The following GABRA2 variants were observed in gnomAD, a reference collection of about 807,000 sequenced individuals.
GABRA2 encodes gamma-aminobutyric acid receptor subunit alpha-2.
In GABRA2, 16 loss-of-function variants were observed where a neutral mutation model predicts 48.7. That is an observed-to-expected ratio of 0.33 (90% CI 0.22 to 0.50). GABRA2 has a LOEUF of 0.50. GABRA2 is among the 20% of genes least tolerant of loss of function. GABRA2 has a pLI of 0.98. For missense variants in GABRA2, 275 were observed against 535.6 expected, an observed-to-expected ratio of 0.51 and a Z score of 4.80; for synonymous variants, 185 against 184.5, an observed-to-expected ratio of 1.00 and a Z score of -0.02.
In GABRA2 at chr4:46,249,060, G is replaced by GTGTGTGTGTGTGTA. The variant is rs1220377878; in HGVS notation, c.*1247_*1248insTACACACACACACA. ...TGTGTGTGTGTGTGTGTGTGTGTGTGTATGTTTGTGCACGTGAAATAATCC... is the reference window on the plus strand; with the variant it reads ...TGTGTGTGTGTGTGTGTGTGTGTGTGTGTGTGTGTGTGTATATGTTTGTGCACGTGAAATAATCC... On this transcript the variant is annotated 3_prime_UTR_variant, in exon 10 of 10. Coordinates refer to ENST00000381620, the MANE Select transcript of GABRA2 (RefSeq NM_000807.4). 255 of 151,048 alleles carry GTGTGTGTGTGTGTA rather than the reference G, an allele frequency of 1.7e-3. 1 individual carries two copies. Among genetic ancestry groups the GTGTGTGTGTGTGTA allele is most frequent in the African/African-American group, 5.7e-3 (237 of 41,250 alleles). 9.4% of individuals were successfully genotyped at this position (151,048 alleles called of 1,614,324 possible).
At chr4:46,278,673 G>A (rs1037606928) in intron 8 of GABRA2, among the ~76,000 whole-genome samples, 2 of 152,048 alleles carry the variant, frequency 1.3e-5, no homozygotes, top group Non-Finnish European at 2.9e-5. Context: ...ATATAGCTGT[G>A]TTTCATATAA....
chr4:46,332,858 G>T (rs1480326250), intron 3 of GABRA2, among the ~76,000 whole-genome samples, 176 bp from the exon 4 acceptor site: 1 of 152,072 alleles, frequency 6.6e-6, no homozygotes, highest in African/African-American at 2.4e-5. Context: ...TATTTCATTG[G>T]TTTTCACCAT....
chr4:46,389,181 A>G, intron 1 of GABRA2: 1 of 988,528 alleles, frequency 1.0e-6, no homozygotes, highest in Non-Finnish European at 1.2e-6. Flanking sequence ...CCGCAACCAC[A>G]GCGGGAAAAG....
rs73812839 is a variant in GABRA2, at chr4:46,303,337, C to A, written c.856+123G>T. The A allele has an allele frequency of 4.4e-4, 407 of 930,320 alleles. 1 individual carries two copies. The African/African-American group carries it at 6.2e-3, about 14-fold the overall frequency. The allele number at this position is 930,320 out of a possible 1,614,324, so 57.6% of individuals were successfully genotyped here. A position where few individuals can be genotyped will look rare whatever the true frequency, so the allele number is the denominator to read the frequency against. The stretch of plus-strand genomic sequence containing the variant: ...TGAGCCTACTTCTTCACCTATAAGG[C>A]AAAAACAATACTCCCCGCCCCACCT... On this transcript the variant is annotated intron_variant, in intron 8 of 9. Coordinates refer to ENST00000381620, the MANE Select transcript of GABRA2 (RefSeq NM_000807.4).
At chr4:46,353,585 C>T (rs1735496560) in intron 3 of GABRA2, among the ~76,000 whole-genome samples, 1 of 152,098 alleles carries the variant, frequency 6.6e-6, no homozygotes, top group Non-Finnish European at 1.5e-5. Flanking sequence ...GTCTTTGCCT[C>T]CTTTCTCTGG....
chr4:46,323,051 A>T (rs911304785), intron 4 of GABRA2, among the ~76,000 whole-genome samples: 3 of 151,786 alleles, frequency 2.0e-5, no homozygotes, highest in Non-Finnish European at 4.4e-5. Context: ...TGTCTTTTAC[A>T]GAATGTATAT....
chr4:46,276,900 T>C (rs1174370366), intron 8 of GABRA2, among the ~76,000 whole-genome samples: 1 of 152,148 alleles, frequency 6.6e-6, no homozygotes, highest in African/African-American at 2.4e-5. Context: ...ATTTTTACCA[T>C]CATTATTGCT....
rs549221829 is a variant in GABRA2, at chr4:46,324,726, T to G, written c.255+7889A>C. On this transcript the variant is annotated intron_variant, in intron 4 of 9. Transcript: ENST00000381620. ...AGTTTTTCAACCCTCCCCCTCCCTC[T>G]CCATCAAATAAGCTTCAGTGTCTAT... Among the ~76,000 whole-genome samples, 24 of 151,030 alleles carry G rather than the reference T, an allele frequency of 1.6e-4. No individual in the cohort carries two copies. In the East Asian group the frequency reaches 4.8e-3, roughly 30 times the overall value.
chr4:46,304,930 A>AAAC (rs1368977850), intron 7 of GABRA2, among the ~76,000 whole-genome samples: 2 of 151,522 alleles, frequency 1.3e-5, no homozygotes, highest in East Asian at 3.9e-4. Context: ...TCTCAAAAAA[A>AAAC]AAAAAAAAAA....
intron 8 of GABRA2, among the ~76,000 whole-genome samples, chr4:46,278,355 C>G (rs958586015): frequency 2.0e-5 from 3 of 152,066 alleles, no homozygotes; most frequent in African/African-American, 7.2e-5. Context: ...TGCTGTACAT[C>G]AATTTAAAGT....
chr4:46,342,833 T>C (rs1158749077), intron 3 of GABRA2, among the ~76,000 whole-genome samples: 2 of 152,020 alleles, frequency 1.3e-5, no homozygotes, highest in Non-Finnish European at 2.9e-5. Context: ...TTTTTATTTA[T>C]TTATTTTATT....
At chr4:46,256,601 G>A (rs1319970460) in intron 9 of GABRA2, among the ~76,000 whole-genome samples, 2 of 151,602 alleles carry the variant, frequency 1.3e-5, no homozygotes, top group South Asian at 2.1e-4. Flanking sequence ...AAGAAACTGA[G>A]AATTTGAAGC....
intron 8 of GABRA2, among the ~76,000 whole-genome samples, chr4:46,267,245 C>T (rs1276341317): frequency 6.6e-6 from 1 of 152,032 alleles, no homozygotes; most frequent in Non-Finnish European, 1.5e-5. Flanking sequence ...GTAAGCCCCT[C>T]TAGTGAATTT....
intron 3 of GABRA2, among the ~76,000 whole-genome samples, chr4:46,345,837 T>C (rs1440181224): frequency 6.6e-6 from 1 of 151,978 alleles, no homozygotes; most frequent in Non-Finnish European, 1.5e-5. Flanking sequence ...ATATCAATTA[T>C]ATTCACTGGT....
intron 3 of GABRA2, among the ~76,000 whole-genome samples, chr4:46,371,762 CTAAAAA>C (rs1247165214): frequency 6.6e-6 from 1 of 152,042 alleles, no homozygotes; most frequent in African/African-American, 2.4e-5. Flanking sequence ...TTATACTCTG[CTAAAAA>C]TAAAGTTTAC....
At chr4:46,344,044 A>C (rs1352448708) in intron 3 of GABRA2, among the ~76,000 whole-genome samples, 1 of 152,022 alleles carries the variant, frequency 6.6e-6, no homozygotes, top group Non-Finnish European at 1.5e-5. Flanking sequence ...GATGCTAGCT[A>C]TTACTAGTGT....
chr4:46,253,410 C>T (rs1385018819), intron 9 of GABRA2, among the ~76,000 whole-genome samples: 1 of 151,462 alleles, frequency 6.6e-6, no homozygotes, highest in African/African-American at 2.4e-5. Context: ...CAAGTATCAA[C>T]CCTGCATATT....
intron 6 of GABRA2, among the ~76,000 whole-genome samples, chr4:46,309,001 G>A (rs927594475): frequency 6.6e-6 from 1 of 152,100 alleles, no homozygotes; most frequent in Non-Finnish European, 1.5e-5. Context: ...TGCATCTGCT[G>A]TGGTTTTCTC....
intron 3 of GABRA2, among the ~76,000 whole-genome samples, chr4:46,346,433 A>G (rs1208093430): frequency 2.0e-5 from 3 of 151,732 alleles, no homozygotes; most frequent in Non-Finnish European, 4.4e-5. Context: ...TATTTTGTTT[A>G]GGTACAATCA....
Sources: gnomAD v4.1 joint callset for allele counts (sites outside exome capture counted in the v4.1 genomes callset) on GRCh38, gnomAD v4.1.1 for gene constraint, MANE v1.5 for transcripts, NCBI Gene and HGNC (gene_info 2026-07-23, HGNC 2026-07-21) for gene names.